The following GALNTL6 variants were observed in gnomAD, a reference collection of about 807,000 sequenced individuals.
GALNTL6 encodes polypeptide N-acetylgalactosaminyltransferase like 6, also known as polypeptide N-acetylgalactosaminyltransferase-like 6.
GALNTL6 carries 46 observed loss-of-function variants against 73.7 expected under a neutral mutation model. The observed-to-expected ratio is 0.62, with a 90% CI of 0.49 to 0.80. GALNTL6 has a LOEUF of 0.80. Among genes scored for constraint, GALNTL6 ranks in the 30% least tolerant of loss-of-function variants. The pLI, the probability that GALNTL6 is intolerant of heterozygous loss-of-function variation, is 0.00. For synonymous variants in GALNTL6, 259 were observed against 263.7 expected (o/e 0.98, Z 0.17); for missense variants, 604 against 755.0 (o/e 0.80, Z 2.34).
At chr4:172,389,272 A>G (rs1347667484) in intron 5 of GALNTL6, among the ~76,000 whole-genome samples, 1 of 151,998 alleles carries the variant, frequency 6.6e-6, no homozygotes, top group Non-Finnish European at 1.5e-5. Context: ...CTAATTCAAA[A>G]TGTTTTAAAA....
chr4:171,955,547 G>T (rs1429114235), intron 2 of GALNTL6, among the ~76,000 whole-genome samples: 1 of 151,888 alleles, frequency 6.6e-6, no homozygotes, highest in Non-Finnish European at 1.5e-5. Flanking sequence ...ACATCTTCCT[G>T]TATACTTTAA....
intron 5 of GALNTL6, among the ~76,000 whole-genome samples, chr4:172,682,801 T>G (rs781662428): frequency 6.6e-6 from 1 of 152,052 alleles, no homozygotes; most frequent in Non-Finnish European, 1.5e-5. Context: ...CAGGAAGTAT[T>G]GCAAACAGAT....
Position 172,813,808 on chromosome 4 carries a change from T to C in GALNTL6, c.923+85T>C. On this transcript the variant is annotated intron_variant, in intron 7 of 12. Transcript: ENST00000506823. The stretch of plus-strand genomic sequence containing the variant: ...AAACCTGGGCTCAAGAAGACAATTA[T>C]CTCTAACAAAATGGAATAAAACAGG... The C allele has an allele frequency of 3.8e-6, 4 of 1,046,484 alleles. No homozygotes were observed. In the South Asian group the frequency reaches 7.6e-5, roughly 20 times the overall value. 64.8% of individuals were successfully genotyped at this position (1,046,484 alleles called of 1,614,324 possible). A position where few individuals can be genotyped will look rare whatever the true frequency, so the allele number is the denominator to read the frequency against.
At chr4:172,688,687 C>T (rs936878095) in intron 5 of GALNTL6, among the ~76,000 whole-genome samples, 2 of 152,186 alleles carry the variant, frequency 1.3e-5, no homozygotes, top group African/African-American at 4.8e-5. Context: ...CTCCACAACT[C>T]TGTGCAGGCC....
chr4:172,943,333 C>T (rs1045012647), intron 9 of GALNTL6, among the ~76,000 whole-genome samples: 2 of 152,258 alleles, frequency 1.3e-5, no homozygotes, highest in East Asian at 1.9e-4. Flanking sequence ...CTTCCAGCCC[C>T]GTCAAAGGCT....
At chr4:171,882,729 T>C (rs1467327319) in intron 2 of GALNTL6, among the ~76,000 whole-genome samples, 1 of 152,194 alleles carries the variant, frequency 6.6e-6, no homozygotes, top group East Asian at 1.9e-4. Context: ...TTCTGCCTGC[T>C]TGATTCTAGC....
intron 2 of GALNTL6, among the ~76,000 whole-genome samples, chr4:172,225,051 C>T (rs1296431734): frequency 6.6e-6 from 1 of 152,010 alleles, no homozygotes; most frequent in Non-Finnish European, 1.5e-5. Context: ...AAGTAAATGG[C>T]CAACCTAATG....
At chr4:172,268,338 A>T (rs1738520726) in intron 3 of GALNTL6, among the ~76,000 whole-genome samples, 1 of 152,326 alleles carries the variant, frequency 6.6e-6, no homozygotes, top group Middle Eastern at 3.4e-3. Flanking sequence ...GAAAAGAAAC[A>T]GGATTGGGAA....
intron 5 of GALNTL6, among the ~76,000 whole-genome samples, chr4:172,513,839 G>A (rs568573465): frequency 1.3e-5 from 2 of 152,260 alleles, no homozygotes; most frequent in East Asian, 3.9e-4. Flanking sequence ...GACTCTGTGT[G>A]GGACCTTGAC....
chr4:172,325,229 A>C (rs1561026726), intron 4 of GALNTL6, among the ~76,000 whole-genome samples: 1 of 151,966 alleles, frequency 6.6e-6, no homozygotes, highest in Non-Finnish European at 1.5e-5. Flanking sequence ...TATATTTGAC[A>C]CTTAGATAAA....
rs180693115 is a variant in GALNTL6, at chr4:171,845,603, G to A, written c.138+30885G>A. ...TCATTCTCAGCTAACAATTTAGAAA[G>A]TAGATGTGCTCTCTACAACCGATTT... On this transcript the variant is annotated intron_variant, in intron 2 of 12. Coordinates refer to ENST00000506823, the MANE Select transcript of GALNTL6 (RefSeq NM_001034845.3). 5.9e-5 allele frequency among the ~76,000 whole-genome samples: 9 copies of A among 152,210 alleles called. No homozygotes were observed. The East Asian group carries it at 7.7e-4, about 13-fold the overall frequency.
intron 11 of GALNTL6, among the ~76,000 whole-genome samples, chr4:173,017,084 T>C (rs1752813553): frequency 6.6e-6 from 1 of 152,198 alleles, no homozygotes. Context: ...TCTTCTACCA[T>C]GATTGTAAGT....
At chr4:172,586,568 A>G (rs956255668) in intron 5 of GALNTL6, among the ~76,000 whole-genome samples, 1 of 152,172 alleles carries the variant, frequency 6.6e-6, no homozygotes. Context: ...GGAGTGAGAC[A>G]TGAACAAAAT....
intron 2 of GALNTL6, among the ~76,000 whole-genome samples, chr4:172,101,066 T>C: frequency 6.6e-6 from 1 of 152,154 alleles, no homozygotes. Context: ...GGTTTTCACA[T>C]TCTAACCCAT....
At chr4:172,597,269 A>G (rs1737890629) in intron 5 of GALNTL6, among the ~76,000 whole-genome samples, 1 of 152,160 alleles carries the variant, frequency 6.6e-6, no homozygotes, top group Non-Finnish European at 1.5e-5. Context: ...TACTGTCTTT[A>G]TTATAACATG....
intron 5 of GALNTL6, among the ~76,000 whole-genome samples, chr4:172,729,925 T>G (rs1319466467): frequency 2.0e-5 from 3 of 152,158 alleles, no homozygotes; most frequent in Non-Finnish European, 4.4e-5. Context: ...ATTTTGTAGT[T>G]TTCCTTGTAT....
chr4:171,973,736 A>C (rs1324026430), intron 2 of GALNTL6, among the ~76,000 whole-genome samples: 1 of 152,126 alleles, frequency 6.6e-6, no homozygotes, highest in Admixed American at 6.5e-5. Context: ...CAGTGTTAAA[A>C]CTTTTGCATT....
intron 2 of GALNTL6, among the ~76,000 whole-genome samples, chr4:172,188,031 T>C (rs1412565698): frequency 2.0e-5 from 3 of 152,224 alleles, no homozygotes; most frequent in African/African-American, 7.2e-5. Context: ...GGCCAGTTCA[T>C]CATTCAGAAA....
At chr4:172,287,647 A>G (rs906904444) in intron 3 of GALNTL6, among the ~76,000 whole-genome samples, 1 of 152,178 alleles carries the variant, frequency 6.6e-6, no homozygotes, top group African/African-American at 2.4e-5. Flanking sequence ...TATTATCCAA[A>G]AAGACAGGTA....
Sources: allele counts gnomAD v4.1 joint callset (sites outside exome capture counted in the v4.1 genomes callset), GRCh38; gene constraint gnomAD v4.1.1; transcripts MANE v1.5; gene names NCBI Gene and HGNC (gene_info 2026-07-23, HGNC 2026-07-21).